CNIH3: variants seen among roughly 807,000 people sequenced by gnomAD.
CNIH3 encodes the protein protein cornichon homolog 3.
In CNIH3, 14 loss-of-function variants were observed where a neutral mutation model predicts 24.1. That is an observed-to-expected ratio of 0.58 (90% CI 0.38 to 0.91). The LOEUF (loss-of-function observed/expected upper bound fraction) is 0.91, where lower values mean the gene tolerates loss of function less well. CNIH3 is among the 40% of genes least tolerant of loss of function. The pLI is 0.00. For missense variants in CNIH3, 178 were observed against 196.8 expected (o/e 0.90, Z 0.57); for synonymous variants, 68 against 73.8 (o/e 0.92, Z 0.40).
intron 3 of CNIH3, among the ~76,000 whole-genome samples, chr1:224,711,160 A>G (rs1449135039): frequency 6.6e-6 from 1 of 152,246 alleles, no homozygotes; most frequent in Non-Finnish European, 1.5e-5. Flanking sequence ...AGATACCTGT[A>G]TGGAGATGAA....
At chr1:224,502,829 T>G (rs1009806858) in intron 1 of CNIH3, among the ~76,000 whole-genome samples, 1 of 152,306 alleles carries the variant, frequency 6.6e-6, no homozygotes. Context: ...GCCGTGGATT[T>G]AAACACCATA....
intron 5 of CNIH3, chr1:224,583,391 G>A (rs1681360307): frequency 6.6e-6 from 1 of 152,284 alleles, no homozygotes; most frequent in Non-Finnish European, 1.5e-5. Context: ...GTCAACCAGA[G>A]TGGACCAGTT....
upstream of CNIH3, among the ~76,000 whole-genome samples, chr1:224,512,224 C>T (rs1302458454): frequency 6.6e-6 from 1 of 152,084 alleles, no homozygotes; most frequent in Non-Finnish European, 1.5e-5. Context: ...TGGCTCATGC[C>T]TGTGATCCTA....
At chr1:224,442,488 G>C (rs1262371410) in intron 1 of CNIH3, among the ~76,000 whole-genome samples, 1 of 152,206 alleles carries the variant, frequency 6.6e-6, no homozygotes, top group African/African-American at 2.4e-5. Context: ...TTTAGCCAGA[G>C]TGTCAACAAC....
intron 3 of CNIH3, among the ~76,000 whole-genome samples, chr1:224,563,460 G>GGT (rs55836837): frequency 0.28 from 40,339 of 146,222 alleles, 5,810 homozygotes; most frequent in East Asian, 0.54. Flanking sequence ...TTTTAGACGG[G>GGT]GTGTGTGTGT....
chr1:224,487,991 T>C (rs1266135555), intron 1 of CNIH3, among the ~76,000 whole-genome samples: 1 of 152,186 alleles, frequency 6.6e-6, no homozygotes, highest in East Asian at 1.9e-4. Flanking sequence ...CAGGGCATGT[T>C]TGTGTCTCTA....
chr1:224,443,006 T>C (rs1161354331), intron 1 of CNIH3, among the ~76,000 whole-genome samples: 1 of 152,190 alleles, frequency 6.6e-6, no homozygotes, highest in Non-Finnish European at 1.5e-5. Context: ...TTAGGGACAC[T>C]AAAAGATTTT....
intron 4 of CNIH3, among the ~76,000 whole-genome samples, chr1:224,580,799 C>G (rs1681241567): frequency 1.4e-5 from 2 of 142,988 alleles, no homozygotes; most frequent in South Asian, 4.5e-4. Context: ...GAGCGAGACT[C>G]TGTCTCAAAA....
At chr1:224,730,720 A>G (rs527250821) in intron 4 of CNIH3, 146 bp downstream of exon 4, 4 of 585,512 alleles carry the variant, frequency 6.8e-6, no homozygotes, top group Middle Eastern at 3.4e-4. Flanking sequence ...GCCTGTTCCC[A>G]AACTGCTCTT....
exon 1 of CNIH3, chr1:224,434,669 G>C (rs1674557588): frequency 6.0e-6 from 5 of 839,308 alleles, no homozygotes; most frequent in Non-Finnish European, 2.9e-6. Flanking sequence ...CCGCCGCTGG[G>C]CTGAGCCCCG....
chr1:224,667,700 G>A (rs535064061), intron 1 of CNIH3, among the ~76,000 whole-genome samples: 92 of 151,952 alleles, frequency 6.1e-4, no homozygotes, highest in Non-Finnish European at 1.3e-3. Context: ...CCGCGGCTCT[G>A]CTGGGGGAAT....
intron 1 of CNIH3, among the ~76,000 whole-genome samples, chr1:224,469,919 A>G (rs1676298830): frequency 6.6e-6 from 1 of 152,222 alleles, no homozygotes; most frequent in African/African-American, 2.4e-5. Context: ...AGATTTAAAA[A>G]AAATCTGAAA....
At chr1:224,615,828 G>A (rs1423330417), upstream of CNIH3, 1 of 152,048 alleles carries the variant, frequency 6.6e-6, no homozygotes, top group Non-Finnish European at 1.5e-5. Flanking sequence ...TAAGCACTGA[G>A]TATGCTACAG....
At position 224,684,987 on chromosome 1, in the gene CNIH3, C is replaced by T; in HGVS notation, c.198+144C>T. The T allele has an allele frequency of 7.7e-6, 6 of 782,784 alleles. No homozygotes were observed. Among genetic ancestry groups the T allele is most frequent in the Non-Finnish European group, 1.1e-5 (5 of 443,464 alleles). 48.5% of individuals were successfully genotyped at this position (782,784 alleles called of 1,614,324 possible). ...TGGCAGGGAAAGGGGGAGGTGGGAG[C>T]AAGTGATCAGTTCTTTGGAAACCTC... is the stretch of plus-strand genomic sequence containing the variant. On this transcript the variant is annotated intron_variant, in intron 3 of 5. Transcript: ENST00000272133. The surrounding 1 kb of genome is among the most constrained non-coding windows in gnomAD (Gnocchi z 4.2).
chr1:224,685,845 A>G (rs953850339), intron 3 of CNIH3, among the ~76,000 whole-genome samples: 2 of 152,204 alleles, frequency 1.3e-5, no homozygotes, highest in African/African-American at 4.8e-5. Flanking sequence ...CATATCTTGT[A>G]TGACACAGCA....
Position 224,458,118 on chromosome 1 carries a change from C to T in CNIH3, n.203+23256C>T, listed in dbSNP as rs995168005. Reference sequence around the variant, plus strand: ...CCTCTCCTGATTTTGCATCCAGGGACGTCCTCTGTGCTTTTGAATGTATTA... The same window carrying T: ...CCTCTCCTGATTTTGCATCCAGGGATGTCCTCTGTGCTTTTGAATGTATTA... On this transcript the variant is annotated intron_variant and non_coding_transcript_variant, in intron 1 of 5. Coordinates refer to the CNIH3 transcript ENST00000471578. This position sits in a 1 kb window ranked among gnomAD's most constrained non-coding sequence, Gnocchi z 4.3. Among the ~76,000 whole-genome samples, 1 of 152,190 alleles carries T rather than the reference C, an allele frequency of 6.6e-6. No individual in the cohort carries two copies. The highest frequency in any genetic ancestry group is 2.4e-5 in the African/African-American group (1 of 41,442).
At chr1:224,677,772 A>G (rs948833217) in intron 1 of CNIH3, among the ~76,000 whole-genome samples, 2 of 152,172 alleles carry the variant, frequency 1.3e-5, no homozygotes, top group Non-Finnish European at 2.9e-5. Context: ...CACAGGCCCT[A>G]GAGCAGGACT....
At chr1:224,540,255 T>A (rs762409561), downstream of CNIH3, among the ~76,000 whole-genome samples, 7 of 152,240 alleles carry the variant, frequency 4.6e-5, no homozygotes, top group Non-Finnish European at 2.9e-5. Flanking sequence ...GAAATTTCAG[T>A]TGGAAACTTG....
exon 1 of CNIH3, chr1:224,434,819 C>T: frequency 2.0e-6 from 2 of 986,134 alleles, no homozygotes; most frequent in Non-Finnish European, 2.4e-6. Flanking sequence ...GCTCGCGTCA[C>T]AGGAAATGCC....
Sources: gnomAD v4.1 joint callset for allele counts (sites outside exome capture counted in the v4.1 genomes callset) on GRCh38, gnomAD v4.1.1 for gene constraint, Gnocchi (gnomAD v3.1) non-coding constraint, MANE v1.5 for transcripts, NCBI Gene and HGNC (gene_info 2026-07-23, HGNC 2026-07-21) for gene names.